Variants in ABI2 observed in about 807,000 individuals in gnomAD.
ABI2 encodes abl interactor 2, also known as abelson interactor 2.
In ABI2, 25 loss-of-function variants were observed where a neutral mutation model predicts 59.2. The ratio of observed to expected loss-of-function variants is 0.42; its 90% CI spans 0.31 to 0.59. The LOEUF is 0.59. Ranked by LOEUF, ABI2 falls within the 20% of genes least tolerant of loss-of-function variation. ABI2 has a pLI of 0.14. For synonymous variants in ABI2, 213 were observed against 235.5 expected (o/e 0.90, Z 0.87); for missense variants, 545 against 681.8 (o/e 0.80, Z 2.23).
chr2:203,341,000 G>A (rs1418470773), intron 1 of ABI2, among the ~76,000 whole-genome samples: 1 of 152,078 alleles, frequency 6.6e-6, no homozygotes, highest in Non-Finnish European at 1.5e-5. Flanking sequence ...CTGCCTCAGG[G>A]CCTTTTTGCT....
chr2:203,331,808 CT>C (rs55695294), intron 1 of ABI2, among the ~76,000 whole-genome samples: 2,209 of 121,902 alleles, frequency 0.018, 41 homozygotes, highest in African/African-American at 0.049. Flanking sequence ...GCTCAGTGTT[CT>C]TTTTTTTTTT....
intron 9 of ABI2, among the ~76,000 whole-genome samples, chr2:203,403,832 A>G (rs1203153129): frequency 6.8e-6 from 1 of 146,878 alleles, no homozygotes; most frequent in African/African-American, 2.5e-5. Context: ...GATCACTGCA[A>G]TGCCTGCCTC....
At chr2:203,398,356 A>G (rs747611862) in intron 8 of ABI2, among the ~76,000 whole-genome samples, 20 of 152,204 alleles carry the variant, frequency 1.3e-4, no homozygotes, top group East Asian at 1.9e-4. Flanking sequence ...CTGAGAGTCT[A>G]TGTTTTAGTA....
At chr2:203,350,474 C>T (rs1234786717) in intron 1 of ABI2, among the ~76,000 whole-genome samples, 1 of 152,010 alleles carries the variant, frequency 6.6e-6, no homozygotes, top group Non-Finnish European at 1.5e-5. Context: ...CTTAGTCTCC[C>T]TAGTAGCTAG....
At chr2:203,402,364 T>G (rs921089564) in intron 8 of ABI2, among the ~76,000 whole-genome samples, 4 of 152,186 alleles carry the variant, frequency 2.6e-5, no homozygotes, top group Non-Finnish European at 5.9e-5. Flanking sequence ...GACATAACTT[T>G]CCAAACTTAA....
chr2:203,404,500 A>G (rs2097347950), intron 9 of ABI2, among the ~76,000 whole-genome samples: 1 of 152,188 alleles, frequency 6.6e-6, no homozygotes, highest in African/African-American at 2.4e-5. Flanking sequence ...CATGTTTTCA[A>G]ACTCACATTT....
At chr2:203,397,067 G>T in intron 8 of ABI2, 100 bp downstream of exon 8, 2 of 1,263,840 alleles carry the variant, frequency 1.6e-6, no homozygotes, top group Non-Finnish European at 2.0e-6. Flanking sequence ...GTTGTACTTC[G>T]TATTAAAAAA....
At chr2:203,338,504 G>GC (rs1026420648) in intron 1 of ABI2, among the ~76,000 whole-genome samples, 19 of 151,822 alleles carry the variant, frequency 1.3e-4, no homozygotes, top group African/African-American at 3.9e-4. Context: ...TAGTCTGGGA[G>GC]CCCCCCCACC....
chr2:203,426,942 C>T (rs1335542051), intron 11 of ABI2, among the ~76,000 whole-genome samples: 1 of 151,770 alleles, frequency 6.6e-6, no homozygotes, highest in African/African-American at 2.4e-5. Flanking sequence ...ATTAAATGTG[C>T]TTTTTCCCCA....
At chr2:203,393,823 G>A (rs1208673401) in intron 5 of ABI2, among the ~76,000 whole-genome samples, 2 of 152,136 alleles carry the variant, frequency 1.3e-5, no homozygotes. Context: ...GTTTATCATT[G>A]TCATAAAGAA....
At chr2:203,351,532 G>GTTTTTTTTTTTT in intron 1 of ABI2, 2 of 387,518 alleles carry the variant, frequency 5.2e-6, no homozygotes, top group South Asian at 3.7e-5. Context: ...TCAGTGTTTA[G>GTTTTTTTTTTTT]TTTTTTTTTT....
intron 2 of ABI2, among the ~76,000 whole-genome samples, chr2:203,368,571 A>G (rs947453240): frequency 1.3e-5 from 2 of 152,166 alleles, no homozygotes; most frequent in Admixed American, 6.5e-5. Context: ...ATTTTTGAAA[A>G]TTTGTCAGAC....
Position 203,406,032 on chromosome 2 carries a change from C to T in ABI2, c.1192+3298C>T, listed in dbSNP as rs1300851630. ...CTTTGATCAGGGCATAACTGAAATC[C>T]CTTTGGTTCTCATTATTTCTTAATC... is the stretch of plus-strand genomic sequence containing the variant. On this transcript the variant is annotated intron_variant, in intron 9 of 11. Transcript: ENST00000261018. 7.9e-5 allele frequency among the ~76,000 whole-genome samples: 12 copies of T among 152,016 alleles called. No homozygotes were observed. The East Asian group carries it at 2.3e-3, about 29-fold the overall frequency.
chr2:203,397,602 T>C (rs1427402557), intron 8 of ABI2, among the ~76,000 whole-genome samples: 3 of 152,256 alleles, frequency 2.0e-5, no homozygotes, highest in African/African-American at 7.2e-5. Context: ...CTATAAAATG[T>C]ATGTGTTTGG....
At chr2:203,404,855 G>A (rs1195221277) in intron 9 of ABI2, among the ~76,000 whole-genome samples, 3 of 152,086 alleles carry the variant, frequency 2.0e-5, no homozygotes, top group Non-Finnish European at 2.9e-5. Context: ...CACCGCACCC[G>A]GCCTATACAG....
intron 2 of ABI2, among the ~76,000 whole-genome samples, chr2:203,373,472 ACCATGGG>A (rs932413579): frequency 9.9e-4 from 150 of 151,986 alleles, no homozygotes; most frequent in African/African-American, 3.4e-3. Flanking sequence ...GGAGAGGGAG[ACCATGGG>A]CCGTGGGGAG....
intron 5 of ABI2, among the ~76,000 whole-genome samples, chr2:203,391,571 G>A (rs1353341019): frequency 3.3e-5 from 5 of 152,062 alleles, no homozygotes; most frequent in Non-Finnish European, 7.4e-5. Context: ...TCCCAAAGTG[G>A]GGATTTTGAG....
chr2:203,360,944 C>T (rs537264958), intron 1 of ABI2, among the ~76,000 whole-genome samples: 15 of 152,264 alleles, frequency 9.9e-5, no homozygotes, highest in African/African-American at 3.6e-4. Context: ...GTTACCCTTT[C>T]AAGGATGACG....
At chr2:203,399,607 G>A (rs1031812826) in intron 8 of ABI2, among the ~76,000 whole-genome samples, 1 of 152,050 alleles carries the variant, frequency 6.6e-6, no homozygotes, top group Non-Finnish European at 1.5e-5. Flanking sequence ...TCTCCGCCTC[G>A]CGGGTTCAAG....
Sources: gnomAD v4.1 joint callset for allele counts (sites outside exome capture counted in the v4.1 genomes callset) on GRCh38, gnomAD v4.1.1 for gene constraint, MANE v1.5 for transcripts, NCBI Gene and HGNC (gene_info 2026-07-23, HGNC 2026-07-21) for gene names.